Variants in SPATA31H1 observed in about 807,000 individuals in gnomAD.
SPATA31H1 encodes the protein spermatogenesis-associated protein 31H1.
chr2:27,559,645 G>C, the SPATA31H1 span, among the ~76,000 whole-genome samples: 5 of 151,772 alleles, frequency 3.3e-5, no homozygotes, highest in Non-Finnish European at 7.4e-5. Context: ...TATGAACTCT[G>C]TTTCTATTAT....
At chr2:27,575,149 TAA>T in the SPATA31H1 span, 1 of 398,520 alleles carries the variant, frequency 2.5e-6, no homozygotes. The surrounding 1 kb of genome is among the most constrained non-coding windows in gnomAD (Gnocchi z 4.1). Flanking sequence ...TCTGGGTTGA[TAA>T]AGCTTCAGAC....
the SPATA31H1 span, chr2:27,580,791 A>G: frequency 4.3e-6 from 7 of 1,614,106 alleles, no homozygotes; most frequent in Non-Finnish European, 5.9e-6. Context: ...CAGTATCAAA[A>G]GAGACAAGAG....
the SPATA31H1 span, chr2:27,573,165 G>A: frequency 2.5e-6 from 1 of 398,024 alleles, no homozygotes; most frequent in African/African-American, 2.1e-5. Flanking sequence ...AAAACTTCAA[G>A]GTGCAAAACC....
chr2:27,564,295 A>G, the SPATA31H1 span, among the ~76,000 whole-genome samples: 3 of 152,226 alleles, frequency 2.0e-5, no homozygotes, highest in East Asian at 3.9e-4. Flanking sequence ...AGCACTTTTG[A>G]GAATTCTGGC....
chr2:27,542,572 T>C, the SPATA31H1 span, among the ~76,000 whole-genome samples: 1 of 149,252 alleles, frequency 6.7e-6, no homozygotes, highest in Non-Finnish European at 1.5e-5. Flanking sequence ...TAGAAAATTC[T>C]ATAGGATAGC....
At chr2:27,572,137 C>T in the SPATA31H1 span, 18 of 398,324 alleles carry the variant, frequency 4.5e-5, no homozygotes, top group Non-Finnish European at 7.5e-5. Context: ...TCTGAATTGA[C>T]TCCAGAATCA....
the SPATA31H1 span, chr2:27,570,867 C>A: frequency 2.3e-5 from 9 of 398,816 alleles, no homozygotes; most frequent in Middle Eastern, 6.2e-4. Context: ...AGTCTCAGAG[C>A]CACAAATGCC....
the SPATA31H1 span, chr2:27,577,040 C>T: frequency 4.2e-5 from 67 of 1,614,074 alleles, no homozygotes; most frequent in African/African-American, 2.8e-4. This position sits in a 1 kb window ranked among gnomAD's most constrained non-coding sequence, Gnocchi z 4.5. Context: ...CAATTTATCA[C>T]GCCACAGAAT....
the SPATA31H1 span, among the ~76,000 whole-genome samples, chr2:27,546,291 C>G: frequency 6.6e-6 from 1 of 151,954 alleles, no homozygotes; most frequent in East Asian, 1.9e-4. Context: ...CATGAAGATA[C>G]CCTTCTATAT....
At chr2:27,575,828 T>C in the SPATA31H1 span, 1 of 398,360 alleles carries the variant, frequency 2.5e-6, no homozygotes, top group African/African-American at 2.1e-5. This position sits in a 1 kb window ranked among gnomAD's most constrained non-coding sequence, Gnocchi z 4.1. Flanking sequence ...AAGCTCACTG[T>C]GTAAATTCTA....
At chr2:27,574,538 C>G in the SPATA31H1 span, 1 of 398,432 alleles carries the variant, frequency 2.5e-6, no homozygotes, top group East Asian at 3.6e-5. Flanking sequence ...CTGGACAACA[C>G]TTTCAAGGTA....
the SPATA31H1 span, among the ~76,000 whole-genome samples, chr2:27,545,761 C>T: frequency 2.0e-5 from 3 of 151,618 alleles, no homozygotes; most frequent in Non-Finnish European, 2.9e-5. Context: ...TGGGGTTTCA[C>T]CATGTTGGCC....
the SPATA31H1 span, chr2:27,574,940 C>T: frequency 2.5e-6 from 1 of 398,492 alleles, no homozygotes; most frequent in Admixed American, 4.4e-5. Context: ...AATCTGTGCT[C>T]ATGCCTAGGC....
At chr2:27,577,533 G>A in the SPATA31H1 span, 1 of 1,614,142 alleles carries the variant, frequency 6.2e-7, no homozygotes, top group Non-Finnish European at 8.5e-7. This position sits in a 1 kb window ranked among gnomAD's most constrained non-coding sequence, Gnocchi z 4.5. Flanking sequence ...ATGTGTGGAG[G>A]TGATCTCTGA....
chr2:27,580,660 C>T, the SPATA31H1 span: 1 of 1,614,116 alleles, frequency 6.2e-7, no homozygotes, highest in Non-Finnish European at 8.5e-7. Context: ...GCATTCCAAA[C>T]AGCACACAGA....
chr2:27,577,230 T>C, the SPATA31H1 span: 1 of 1,613,890 alleles, frequency 6.2e-7, no homozygotes, highest in Non-Finnish European at 8.5e-7. The surrounding 1 kb of genome is among the most constrained non-coding windows in gnomAD (Gnocchi z 4.5). Flanking sequence ...AGGCTCAAAA[T>C]TCTTAGGATT....
chr2:27,578,118 A>G, the SPATA31H1 span: 2 of 1,614,016 alleles, frequency 1.2e-6, no homozygotes, highest in African/African-American at 1.3e-5. Flanking sequence ...TGTGAAAGTG[A>G]CCCCTGGACC....
the SPATA31H1 span, among the ~76,000 whole-genome samples, chr2:27,552,553 G>A: frequency 6.6e-6 from 1 of 152,002 alleles, no homozygotes; most frequent in Non-Finnish European, 1.5e-5. Context: ...TTTCAAGATT[G>A]TTTTGGCTAT....
chr2:27,541,484 G>A, the SPATA31H1 span, among the ~76,000 whole-genome samples: 2 of 151,966 alleles, frequency 1.3e-5, no homozygotes, highest in South Asian at 4.1e-4. Flanking sequence ...ATTCATCATG[G>A]TATTTCCAGT....
Sources: allele counts gnomAD v4.1 joint callset (sites outside exome capture counted in the v4.1 genomes callset), GRCh38; gene constraint gnomAD v4.1.1; non-coding constraint Gnocchi (gnomAD v3.1); transcripts MANE v1.5; gene names NCBI Gene and HGNC (gene_info 2026-07-23, HGNC 2026-07-21).